The following TDRD3 variants were observed in gnomAD, a reference collection of about 807,000 sequenced individuals.
TDRD3 encodes tudor domain-containing protein 3.
A neutral mutation model predicts 86.7 loss-of-function variants in TDRD3; 45 were observed. That is an observed-to-expected ratio of 0.52 (90% CI 0.41 to 0.67). The LOEUF is 0.67. Ranked by LOEUF, TDRD3 falls within the 30% of genes least tolerant of loss-of-function variation. The pLI is 0.00. For missense variants in TDRD3, 814 were observed against 889.0 expected (o/e 0.92, Z 1.07); for synonymous variants, 298 against 301.7 (o/e 0.99, Z 0.13).
intron 7 of TDRD3, among the ~76,000 whole-genome samples, chr13:60,486,929 G>A (rs1368388658): frequency 6.6e-6 from 1 of 152,110 alleles, no homozygotes; most frequent in East Asian, 1.9e-4. Context: ...GAGAATGGCA[G>A]GATTTCTTTC....
intron 1 of TDRD3, among the ~76,000 whole-genome samples, chr13:60,421,559 T>C (rs991301706): frequency 2.6e-5 from 4 of 152,192 alleles, no homozygotes; most frequent in Non-Finnish European, 5.9e-5. Flanking sequence ...CTAGGACTTA[T>C]GATAACTAGA....
At chr13:60,552,313 C>T (rs1566298421) in intron 12 of TDRD3, among the ~76,000 whole-genome samples, 1 of 152,260 alleles carries the variant, frequency 6.6e-6, no homozygotes, top group Non-Finnish European at 1.5e-5. Context: ...CCATGCAAGT[C>T]TGAAACCTGG....
At chr13:60,451,484 A>G (rs914082668) in intron 3 of TDRD3, among the ~76,000 whole-genome samples, 11 of 152,176 alleles carry the variant, frequency 7.2e-5, no homozygotes, top group Admixed American at 5.9e-4. Flanking sequence ...TTAGAGTGCA[A>G]TAACCTCCAG....
intron 12 of TDRD3, among the ~76,000 whole-genome samples, chr13:60,539,200 A>T (rs1307468076): frequency 6.6e-6 from 1 of 152,090 alleles, no homozygotes; most frequent in Non-Finnish European, 1.5e-5. Flanking sequence ...ACAAATATTC[A>T]TTATGTATCT....
At chr13:60,502,825 A>G (rs1956861521) in intron 8 of TDRD3, among the ~76,000 whole-genome samples, 1 of 152,208 alleles carries the variant, frequency 6.6e-6, no homozygotes, top group East Asian at 1.9e-4. Context: ...AAAGGGAAGC[A>G]TATCCTTCCA....
intron 10 of TDRD3, among the ~76,000 whole-genome samples, chr13:60,528,163 A>G (rs1957491135): frequency 6.6e-6 from 1 of 152,158 alleles, no homozygotes; most frequent in South Asian, 2.1e-4. Flanking sequence ...TACTTTATTA[A>G]TGTTGCTGAC....
chr13:60,442,418 C>CGTGG (rs1955302551), intron 2 of TDRD3, among the ~76,000 whole-genome samples: 1 of 150,828 alleles, frequency 6.6e-6, no homozygotes, highest in East Asian at 1.9e-4. Flanking sequence ...TGTATGTGTG[C>CGTGG]GTGGGTAGGT....
rs560602938 is a variant in TDRD3, at chr13:60,521,883, G to A, written c.1142-6484G>A. ...TTGCACTCCAGCCTGGGCAACAAGAGTGAAACTCCGTTTCAAAAAAAAAAG... is the reference window on the plus strand; with the variant it reads ...TTGCACTCCAGCCTGGGCAACAAGAATGAAACTCCGTTTCAAAAAAAAAAG... On this transcript the variant is annotated intron_variant, in intron 10 of 13. Transcript: ENST00000377881. Among the ~76,000 whole-genome samples, 17 of 151,978 alleles carry A rather than the reference G, an allele frequency of 1.1e-4. No individual in the cohort carries two copies. In the East Asian group the frequency reaches 3.3e-3, roughly 29 times the overall value.
chr13:60,455,442 A>C lies in TDRD3; in HGVS notation c.193-4938A>C, dbSNP rs138622426. Among the ~76,000 whole-genome samples, 488 of 152,334 alleles carry C rather than the reference A, an allele frequency of 3.2e-3. 1 individual carries two copies. Among genetic ancestry groups the C allele is most frequent in the Non-Finnish European group, 5.9e-3 (401 of 68,040 alleles). On this transcript the variant is annotated intron_variant, in intron 3 of 13. Transcript: ENST00000377881. The stretch of plus-strand genomic sequence containing the variant: ...GTAAAGATGTGAATAATTTAGTCAA[A>C]AACCTCCCTTGAAATAAAAGAATGG...
intron 12 of TDRD3, among the ~76,000 whole-genome samples, chr13:60,565,228 T>C (rs539839918): frequency 3.7e-4 from 56 of 152,058 alleles, no homozygotes; most frequent in Non-Finnish European, 7.5e-4. Context: ...GCTAATTTTT[T>C]GTATTTTTAG....
chr13:60,552,372 C>T (rs936485867), intron 12 of TDRD3, among the ~76,000 whole-genome samples: 10 of 152,264 alleles, frequency 6.6e-5, no homozygotes, highest in African/African-American at 1.9e-4. Context: ...CCTTTGACTC[C>T]ATGTCTTACA....
intron 4 of TDRD3, among the ~76,000 whole-genome samples, chr13:60,465,269 C>CT (rs1350590777): frequency 6.6e-6 from 1 of 151,984 alleles, no homozygotes; most frequent in African/African-American, 2.4e-5. Flanking sequence ...GCCTGGTGTC[C>CT]TTGGTGCTTA....
At chr13:60,561,050 T>C (rs1958320896) in intron 12 of TDRD3, among the ~76,000 whole-genome samples, 1 of 152,210 alleles carries the variant, frequency 6.6e-6, no homozygotes, top group Non-Finnish European at 1.5e-5. Flanking sequence ...CTATAATTCT[T>C]CAATATATTT....
At chr13:60,470,592 T>G (rs867623358) in intron 5 of TDRD3, among the ~76,000 whole-genome samples, 511 of 2,122 alleles carry the variant, frequency 0.24, 1 homozygote, top group Admixed American at 0.33. Flanking sequence ...ATAGTTGGGT[T>G]TTTTTTTTTT....
intron 1 of TDRD3, among the ~76,000 whole-genome samples, chr13:60,404,836 C>T (rs992437143): frequency 2.6e-5 from 4 of 152,198 alleles, no homozygotes; most frequent in African/African-American, 9.7e-5. Context: ...CTTGTAGCTC[C>T]CATAATCCCC....
At chr13:60,571,930 T>A (rs1223207688) in intron 13 of TDRD3, among the ~76,000 whole-genome samples, 1 of 152,174 alleles carries the variant, frequency 6.6e-6, no homozygotes, top group Non-Finnish European at 1.5e-5. Context: ...TATGAGACTT[T>A]AGGGGAGATA....
At chr13:60,397,979 A>G (rs74643625) in intron 1 of TDRD3, among the ~76,000 whole-genome samples, 7,817 of 152,294 alleles carry the variant, frequency 0.051, 207 homozygotes, top group Non-Finnish European at 0.058. Flanking sequence ...CGGCACACAC[A>G]CAACTTCTGG....
At chr13:60,483,716 A>C (rs1248064888) in intron 5 of TDRD3, 59 bp from the exon 6 acceptor site, 14 of 1,500,606 alleles carry the variant, frequency 9.3e-6, no homozygotes, top group Non-Finnish European at 1.3e-5. Flanking sequence ...TACATTATAA[A>C]TGCTGGAAAT....
intron 1 of TDRD3, among the ~76,000 whole-genome samples, chr13:60,397,964 T>C (rs1321732770): frequency 6.6e-6 from 1 of 152,200 alleles, no homozygotes; most frequent in African/African-American, 2.4e-5. Flanking sequence ...TGAATCTGCC[T>C]TCCGCGGCAC....
Sources: allele counts gnomAD v4.1 joint callset (sites outside exome capture counted in the v4.1 genomes callset), GRCh38; gene constraint gnomAD v4.1.1; transcripts MANE v1.5; gene names NCBI Gene and HGNC (gene_info 2026-07-23, HGNC 2026-07-21).